The following CLEC16A variants were observed in gnomAD, a reference collection of about 807,000 sequenced individuals.
CLEC16A encodes C-type lectin domain containing 16A.
In CLEC16A, 51 loss-of-function variants were observed where a neutral mutation model predicts 109.5. That is an observed-to-expected ratio of 0.47 (90% CI 0.37 to 0.59). CLEC16A has a LOEUF of 0.59. CLEC16A is among the 20% of genes least tolerant of loss of function. The pLI, the probability that CLEC16A is intolerant of heterozygous loss-of-function variation, is 0.00. For missense variants in CLEC16A, 1,339 were observed against 1,394.0 expected (o/e 0.96, Z 0.63); for synonymous variants, 673 against 564.2 (o/e 1.19, Z -2.73).
chr16:11,066,236 G>C (rs1267336455), intron 19 of CLEC16A, among the ~76,000 whole-genome samples: 5 of 152,176 alleles, frequency 3.3e-5, no homozygotes, highest in Non-Finnish European at 7.3e-5. Context: ...CAGAATTGCA[G>C]AGAGGCCATT....
chr16:11,006,207 C>T (rs907018516), intron 11 of CLEC16A, among the ~76,000 whole-genome samples: 1 of 152,162 alleles, frequency 6.6e-6, no homozygotes, highest in Admixed American at 6.5e-5. Flanking sequence ...GTGGGCCTGA[C>T]TTGGGTCCTC....
intron 1 of CLEC16A, among the ~76,000 whole-genome samples, chr16:10,947,105 C>T (rs555714915): frequency 9.2e-5 from 14 of 152,314 alleles, no homozygotes; most frequent in African/African-American, 3.1e-4. Context: ...ACATGTCTAT[C>T]GGATGCTTCT....
At chr16:11,040,275 G>C (rs574302900) in intron 14 of CLEC16A, 1 of 178,516 alleles carries the variant, frequency 5.6e-6, no homozygotes, top group Non-Finnish European at 1.2e-5. Context: ...AGACGTAGGA[G>C]ACAGAGTTTT....
intron 16 of CLEC16A, among the ~76,000 whole-genome samples, 156 bp from the exon 17 acceptor site, chr16:11,047,136 G>A (rs1597191692): frequency 6.6e-6 from 1 of 152,072 alleles, no homozygotes; most frequent in Non-Finnish European, 1.5e-5. Flanking sequence ...GTGTGTGTTT[G>A]TGTTCACGTG....
intron 1 of CLEC16A, among the ~76,000 whole-genome samples, chr16:10,948,101 G>A (rs571916308): frequency 2.0e-5 from 3 of 152,216 alleles, no homozygotes; most frequent in Non-Finnish European, 2.9e-5. Context: ...CACCGTGTTA[G>A]CCAGGATGGT....
rs114086120 is a variant in CLEC16A, at chr16:11,147,183, C to A, written c.2642-19205C>A. 5.7e-3 allele frequency among the ~76,000 whole-genome samples: 874 copies of A among 152,276 alleles called. 2 individuals are homozygous for A. The highest frequency in any genetic ancestry group is 0.02 in the African/African-American group (849 of 41,550). ...TGAATATGTTGCTGCCCGTTTGACA[C>A]CTGGCAACAGTTTGGCTAGGCACAG... On this transcript the variant is annotated intron_variant, in intron 22 of 23. Coordinates refer to ENST00000409790, the MANE Select transcript of CLEC16A (RefSeq NM_015226.3).
intron 19 of CLEC16A, chr16:11,070,486 C>G (rs548022276): frequency 4.1e-4 from 62 of 152,048 alleles, no homozygotes; most frequent in African/African-American, 1.4e-3. Context: ...GGATTACATT[C>G]ATGAGCCATT....
intron 20 of CLEC16A, among the ~76,000 whole-genome samples, chr16:11,121,293 A>G (rs1180885104): frequency 6.6e-6 from 1 of 152,120 alleles, no homozygotes; most frequent in Non-Finnish European, 1.5e-5. Context: ...CGTGTCGGCT[A>G]TTTCCAGTTT....
intron 11 of CLEC16A, among the ~76,000 whole-genome samples, chr16:11,010,569 A>G (rs2045340199): frequency 2.0e-5 from 3 of 152,138 alleles, no homozygotes; most frequent in Non-Finnish European, 4.4e-5. Flanking sequence ...CCCGCCCCAC[A>G]CACCCCACGC....
At chr16:10,946,463 A>G (rs1362915852) in intron 1 of CLEC16A, among the ~76,000 whole-genome samples, 5 of 152,120 alleles carry the variant, frequency 3.3e-5, no homozygotes, top group African/African-American at 1.2e-4. Context: ...GTGAGAGAAG[A>G]CAAGGGGAGG....
intron 19 of CLEC16A, among the ~76,000 whole-genome samples, chr16:11,092,984 G>A (rs1190300437): frequency 1.3e-5 from 2 of 152,088 alleles, no homozygotes; most frequent in Admixed American, 6.5e-5. Flanking sequence ...CCCCAGTGTC[G>A]AGGCCCCCAT....
chr16:11,076,083 A>C (rs1179358111), intron 19 of CLEC16A, among the ~76,000 whole-genome samples: 1 of 59,076 alleles, frequency 1.7e-5, no homozygotes, highest in Non-Finnish European at 3.9e-5. Context: ...TGGGGATTCT[A>C]GAAAACTGGG....
chr16:10,960,297 C>T (rs2042194955), intron 2 of CLEC16A, among the ~76,000 whole-genome samples: 1 of 152,178 alleles, frequency 6.6e-6, no homozygotes, highest in South Asian at 2.1e-4. Flanking sequence ...CGTATATCCC[C>T]AGCCTCTGAT....
intron 22 of CLEC16A, among the ~76,000 whole-genome samples, chr16:11,148,565 A>G (rs1462218308): frequency 2.6e-5 from 4 of 152,222 alleles, no homozygotes; most frequent in African/African-American, 9.6e-5. Flanking sequence ...GCTCAAGGCT[A>G]CAATTTCCAT....
At chr16:10,949,743 G>C (rs1378051791) in intron 1 of CLEC16A, among the ~76,000 whole-genome samples, 1 of 152,202 alleles carries the variant, frequency 6.6e-6, no homozygotes, top group Non-Finnish European at 1.5e-5. Context: ...AGAATGGATT[G>C]GATGAGGGGC....
At chr16:11,101,672 T>C (rs2050924021) in intron 19 of CLEC16A, among the ~76,000 whole-genome samples, 1 of 152,208 alleles carries the variant, frequency 6.6e-6, no homozygotes, top group Admixed American at 6.5e-5. Context: ...CAAAAATCCT[T>C]GCCCTCATAG....
chr16:11,008,827 A>T (rs955632943), intron 11 of CLEC16A, among the ~76,000 whole-genome samples: 2 of 54,400 alleles, frequency 3.7e-5, no homozygotes, highest in African/African-American at 1.1e-4. Flanking sequence ...CGTCTCTACT[A>T]AAAAAAAAAA....
At chr16:11,122,896 CTTTTTTT>C (rs1002354410) in intron 20 of CLEC16A, among the ~76,000 whole-genome samples, 1 of 73,772 alleles carries the variant, frequency 1.4e-5, no homozygotes, top group Non-Finnish European at 2.4e-5. Context: ...CTATCCCTTT[CTTTTTTT>C]TTTTTTTTTT....
rs1459928423 is a variant in CLEC16A, at chr16:11,024,849, C to T, written c.1465C>T (p.Leu489=). The change falls in exon 13 of 24, where the codon CTG becomes TTG. Residue 489 remains leucine, a synonymous_variant. Coordinates refer to ENST00000409790, the MANE Select transcript of CLEC16A (RefSeq NM_015226.3). The part of the protein sequence containing the change: ...RPFLDMVYHA[L]DSPDDDYHAL... Reference sequence around the variant, plus strand: ...CTTCCTGGATATGGTGTACCACGCGCTGGACAGCCCGGATGATGATTACCA... The same window carrying T: ...CTTCCTGGATATGGTGTACCACGCGTTGGACAGCCCGGATGATGATTACCA... 2 of 1,607,704 alleles carry T rather than the reference C, an allele frequency of 1.2e-6. No individual in the cohort carries two copies. Among genetic ancestry groups the T allele is most frequent in the African/African-American group, 1.3e-5 (1 of 74,918 alleles).
Sources: gnomAD v4.1 joint callset for allele counts (sites outside exome capture counted in the v4.1 genomes callset) on GRCh38, gnomAD v4.1.1 for gene constraint, MANE v1.5 for transcripts, NCBI Gene and HGNC (gene_info 2026-07-23, HGNC 2026-07-21) for gene names.